The following GALNT17 variants were observed in gnomAD, a reference collection of about 807,000 sequenced individuals.
GALNT17 encodes UDP-GalNAc:polypeptide N-acetylgalactosaminyltransferase-like 3.
In GALNT17, 29 loss-of-function variants were observed where a neutral mutation model predicts 63.7. The ratio of observed to expected loss-of-function variants is 0.46; its 90% CI spans 0.34 to 0.62. The LOEUF (loss-of-function observed/expected upper bound fraction) is 0.62. GALNT17 is among the 20% of genes least tolerant of loss of function. GALNT17 has a pLI of 0.01. For synonymous variants in GALNT17, 305 were observed against 318.3 expected (o/e 0.96, Z 0.45); for missense variants, 603 against 799.6 (o/e 0.75, Z 2.97).
chr7:71,428,532 G>C (rs1167891914), intron 5 of GALNT17, among the ~76,000 whole-genome samples: 1 of 152,044 alleles, frequency 6.6e-6, no homozygotes, highest in Non-Finnish European at 1.5e-5. Context: ...CTCTGCCTCT[G>C]GGTTCAAGCA....
At chr7:71,533,680 T>C (rs1390606005) in intron 5 of GALNT17, among the ~76,000 whole-genome samples, 1 of 152,204 alleles carries the variant, frequency 6.6e-6, no homozygotes, top group Admixed American at 6.5e-5. Flanking sequence ...TGGGTTTCTT[T>C]GCATGTGCTG....
chr7:71,314,067 G>A (rs563433093), intron 1 of GALNT17, among the ~76,000 whole-genome samples: 2 of 152,316 alleles, frequency 1.3e-5, no homozygotes, highest in South Asian at 4.1e-4. Flanking sequence ...TTCTGGGCAA[G>A]GGATGGAGGC....
intron 2 of GALNT17, among the ~76,000 whole-genome samples, chr7:71,386,016 G>A (rs907178822): frequency 2.0e-5 from 3 of 152,220 alleles, no homozygotes; most frequent in African/African-American, 7.2e-5. Flanking sequence ...AGCCTCTGAG[G>A]GACCCTCTGG....
intron 1 of GALNT17, among the ~76,000 whole-genome samples, chr7:71,198,851 G>A (rs143967219): frequency 2.2e-4 from 33 of 152,216 alleles, no homozygotes; most frequent in Admixed American, 1.2e-3. Context: ...CATTCCCTTC[G>A]TTTATGTGTT....
chr7:71,154,650 C>T (rs1014686104), intron 1 of GALNT17, among the ~76,000 whole-genome samples: 3 of 152,148 alleles, frequency 2.0e-5, no homozygotes, highest in Non-Finnish European at 4.4e-5. Context: ...GATCTCGGCT[C>T]ACTGCAAGCT....
intron 1 of GALNT17, among the ~76,000 whole-genome samples, chr7:71,226,731 C>T (rs528263973): frequency 3.9e-5 from 6 of 152,226 alleles, no homozygotes; most frequent in African/African-American, 9.6e-5. Context: ...CCACCCTCCT[C>T]GGCCTCCCAA....
intron 7 of GALNT17, among the ~76,000 whole-genome samples, chr7:71,666,126 T>C (rs1211358919): frequency 6.6e-6 from 1 of 152,064 alleles, no homozygotes; most frequent in African/African-American, 2.4e-5. Context: ...GAATCCCAAC[T>C]CTATCATTTA....
chr7:71,284,855 A>G (rs1057034815), intron 1 of GALNT17, among the ~76,000 whole-genome samples: 5 of 149,138 alleles, frequency 3.4e-5, no homozygotes, highest in East Asian at 2.0e-4. Context: ...AAATCATTGC[A>G]TTTGTTTTTG....
chr7:71,632,390 T>C (rs1284440031), intron 6 of GALNT17, among the ~76,000 whole-genome samples: 1 of 151,956 alleles, frequency 6.6e-6, no homozygotes, highest in Admixed American at 6.6e-5. Flanking sequence ...GGTGTTGGGG[T>C]TCGAATATTA....
chr7:71,479,315 A>ATT (rs1483715263), intron 5 of GALNT17, among the ~76,000 whole-genome samples: 1 of 151,870 alleles, frequency 6.6e-6, no homozygotes, highest in African/African-American at 2.4e-5. Context: ...GCAAAATGTT[A>ATT]TTTTTTTCCC....
chr7:71,473,681 G>T (rs939163894), intron 5 of GALNT17, among the ~76,000 whole-genome samples: 1 of 152,084 alleles, frequency 6.6e-6, no homozygotes, highest in African/African-American at 2.4e-5. Flanking sequence ...TTTCTCTGGG[G>T]TCCTTTTGGC....
At chr7:71,633,990 T>C (rs111624515) in intron 6 of GALNT17, among the ~76,000 whole-genome samples, 3,725 of 152,334 alleles carry the variant, frequency 0.024, 150 homozygotes, top group African/African-American at 0.081. Flanking sequence ...GTGACTGGCC[T>C]CCTGTCTATT....
At chr7:71,156,504 A>G (rs73361727) in intron 1 of GALNT17, among the ~76,000 whole-genome samples, 3,065 of 151,564 alleles carry the variant, frequency 0.02, 118 homozygotes, top group African/African-American at 0.06. Context: ...CCCTTCCTTC[A>G]AGCAATACAT....
intron 2 of GALNT17, among the ~76,000 whole-genome samples, chr7:71,381,393 G>C (rs1792845039): frequency 6.6e-6 from 1 of 152,170 alleles, no homozygotes; most frequent in African/African-American, 2.4e-5. Flanking sequence ...ACTATCCCTT[G>C]CGGACTGGGA....
intron 1 of GALNT17, among the ~76,000 whole-genome samples, chr7:71,254,395 G>T (rs951414485): frequency 1.3e-5 from 2 of 152,166 alleles, no homozygotes; most frequent in East Asian, 3.9e-4. Context: ...ACAGAATGTA[G>T]ATTTTCCCTA....
At chr7:71,222,150 G>A (rs73190436) in intron 1 of GALNT17, among the ~76,000 whole-genome samples, 49,971 of 151,450 alleles carry the variant, frequency 0.33, 9,159 homozygotes, top group South Asian at 0.53. Flanking sequence ...CAGGTGATCA[G>A]CCAGCCTCAG....
At chr7:71,624,589 T>C (rs1191040478) in intron 6 of GALNT17, among the ~76,000 whole-genome samples, 1 of 152,194 alleles carries the variant, frequency 6.6e-6, no homozygotes, top group Non-Finnish European at 1.5e-5. Flanking sequence ...TGGTTTCAGC[T>C]CCCCTTTACC....
chr7:71,356,793 TA>T (rs980841522), intron 2 of GALNT17, among the ~76,000 whole-genome samples: 18 of 151,964 alleles, frequency 1.2e-4, no homozygotes, highest in African/African-American at 3.9e-4. Context: ...CATATATATA[TA>T]TTTTTTAGAT....
At chr7:71,587,278 T>G (rs998248451) in intron 6 of GALNT17, among the ~76,000 whole-genome samples, 1 of 152,184 alleles carries the variant, frequency 6.6e-6, no homozygotes, top group African/African-American at 2.4e-5. Context: ...TCCGCCTGCC[T>G]CAGCCTCCAA....
Sources: gnomAD v4.1 joint callset for allele counts (sites outside exome capture counted in the v4.1 genomes callset) on GRCh38, gnomAD v4.1.1 for gene constraint, MANE v1.5 for transcripts, NCBI Gene and HGNC (gene_info 2026-07-23, HGNC 2026-07-21) for gene names.